Variants in PRKN observed in about 807,000 individuals in gnomAD.
The protein encoded by PRKN is E3 ubiquitin-protein ligase parkin.
A neutral mutation model predicts 59.5 loss-of-function variants in PRKN; 56 were observed. That is an observed-to-expected ratio of 0.94 (90% CI 0.76 to 1.18). The LOEUF is 1.18. Ranked by LOEUF, PRKN falls within the 50% of genes most tolerant of loss-of-function variation. The pLI is 0.00. For missense variants in PRKN, 657 were observed against 596.4 expected (o/e 1.10, Z -1.06); for synonymous variants, 250 against 222.1 (o/e 1.13, Z -1.12).
At chr6:162,362,000 GC>G (rs1356497782) in intron 2 of PRKN, among the ~76,000 whole-genome samples, 1 of 152,178 alleles carries the variant, frequency 6.6e-6, no homozygotes, top group African/African-American at 2.4e-5. Flanking sequence ...GGACTGTGCA[GC>G]TCTCAGATTT....
intron 1 of PRKN, among the ~76,000 whole-genome samples, chr6:162,648,839 G>A (rs1778302367): frequency 6.6e-6 from 1 of 152,174 alleles, no homozygotes; most frequent in Non-Finnish European, 1.5e-5. Context: ...CACTCACCTA[G>A]ATATGGCTGT....
rs10214746 is a variant in PRKN at position 161,395,788 on chromosome 6, C to G, written c.1084-8911G>C. On this transcript the variant is annotated intron_variant, in intron 9 of 11. Coordinates refer to ENST00000366898, the MANE Select transcript of PRKN (RefSeq NM_004562.3). The surrounding 1 kb of genome is among the most constrained non-coding windows in gnomAD (Gnocchi z 5.0). ...ACAGCCAAAGCTGGGTCAGGAGTGG[C>G]CTGTGGTCAGGCTCACTCTGACTTT... 0.013 allele frequency among the ~76,000 whole-genome samples: 2,051 copies of G among 152,326 alleles called. 64 individuals carry two copies. The highest frequency in any genetic ancestry group is 0.047 in the African/African-American group (1,947 of 41,552).
At chr6:161,845,107 T>G (rs1459319288) in intron 6 of PRKN, among the ~76,000 whole-genome samples, 1 of 152,192 alleles carries the variant, frequency 6.6e-6, no homozygotes, top group Non-Finnish European at 1.5e-5. Context: ...CCTACTTCTC[T>G]CTGACTGAAA....
chr6:161,612,147 A>T (rs1782510965), intron 7 of PRKN, among the ~76,000 whole-genome samples: 1 of 152,212 alleles, frequency 6.6e-6, no homozygotes, highest in African/African-American at 2.4e-5. Flanking sequence ...CCTCCATCAC[A>T]TAAAGTGCAA....
At chr6:161,759,171 TTA>T (rs1491273994) in intron 7 of PRKN, among the ~76,000 whole-genome samples, 14 of 35,572 alleles carry the variant, frequency 3.9e-4, no homozygotes, top group Admixed American at 2.2e-3. Context: ...GTGAGACTGT[TTA>T]AAAAAAAAAA....
At chr6:162,298,631 C>A (rs1192189114) in intron 2 of PRKN, among the ~76,000 whole-genome samples, 11 of 147,662 alleles carry the variant, frequency 7.4e-5, no homozygotes, top group Non-Finnish European at 1.6e-4. Flanking sequence ...CCCCCACCCC[C>A]CAACCCCATG....
chr6:162,150,380 A>G (rs138090543), intron 4 of PRKN, among the ~76,000 whole-genome samples: 27 of 152,274 alleles, frequency 1.8e-4, no homozygotes, highest in African/African-American at 6.3e-4. Context: ...CTGTCTCCAG[A>G]GCATGAGGGT....
At chr6:162,329,060 C>T (rs9347620) in intron 2 of PRKN, among the ~76,000 whole-genome samples, 40,403 of 152,084 alleles carry the variant, frequency 0.27, 5,871 homozygotes, top group Middle Eastern at 0.34. Context: ...TGTATGTGTT[C>T]GGGTACTTCT....
intron 6 of PRKN, among the ~76,000 whole-genome samples, chr6:161,881,498 C>T (rs1794934176): frequency 6.6e-6 from 1 of 152,188 alleles, no homozygotes; most frequent in Non-Finnish European, 1.5e-5. Context: ...CGACCAGATT[C>T]CATGAATCCC....
At chr6:162,336,925 A>G (rs910302533) in intron 2 of PRKN, among the ~76,000 whole-genome samples, 3 of 152,192 alleles carry the variant, frequency 2.0e-5, no homozygotes, top group Non-Finnish European at 4.4e-5. Flanking sequence ...GGGAGAACAT[A>G]TCTACTCTCA....
rs1294448877 is a variant in PRKN at position 161,410,701 on chromosome 6, A to G, written c.1084-23824T>C. Among the ~76,000 whole-genome samples, 1 of 152,090 alleles carries G rather than the reference A, an allele frequency of 6.6e-6. No homozygotes were observed. The highest frequency in any genetic ancestry group is 6.5e-5 in the Admixed American group (1 of 15,280). Reference sequence around the variant, plus strand: ...GGAGGATGGGGAGGATGCAGGGAAGAGAATCGGGGTCACTGTGAGGGAGGG... The same window carrying G: ...GGAGGATGGGGAGGATGCAGGGAAGGGAATCGGGGTCACTGTGAGGGAGGG... On this transcript the variant is annotated intron_variant, in intron 9 of 11. Coordinates refer to ENST00000366898, the MANE Select transcript of PRKN (RefSeq NM_004562.3). This position sits in a 1 kb window ranked among gnomAD's most constrained non-coding sequence, Gnocchi z 5.3.
At chr6:162,606,752 T>C (rs1435810311) in intron 1 of PRKN, among the ~76,000 whole-genome samples, 3 of 152,230 alleles carry the variant, frequency 2.0e-5, no homozygotes, top group Admixed American at 6.5e-5. Context: ...AGTCTCACTC[T>C]GTCACCAAGG....
At chr6:161,898,417 A>G (rs142562518) in intron 6 of PRKN, among the ~76,000 whole-genome samples, 2 of 152,282 alleles carry the variant, frequency 1.3e-5, no homozygotes, top group Non-Finnish European at 2.9e-5. Context: ...TGTTCACAAT[A>G]TCCTTTCATC....
At chr6:162,462,715 G>A (rs571217558) in intron 1 of PRKN, among the ~76,000 whole-genome samples, 3 of 152,052 alleles carry the variant, frequency 2.0e-5, no homozygotes, top group South Asian at 4.1e-4. Context: ...AAAATATTAC[G>A]GATCCACCAG....
intron 2 of PRKN, among the ~76,000 whole-genome samples, chr6:162,428,181 T>C (rs1457356464): frequency 6.6e-6 from 1 of 152,226 alleles, no homozygotes; most frequent in Non-Finnish European, 1.5e-5. Context: ...AGATTGCTAA[T>C]GTCAGACTTG....
At chr6:162,489,637 T>C (rs566640904) in intron 1 of PRKN, among the ~76,000 whole-genome samples, 4 of 152,342 alleles carry the variant, frequency 2.6e-5, no homozygotes, top group African/African-American at 9.6e-5. Context: ...AAAGGAGTTA[T>C]AAGTATGTTG....
At chr6:162,033,940 T>C (rs959445163) in intron 5 of PRKN, among the ~76,000 whole-genome samples, 8 of 152,116 alleles carry the variant, frequency 5.3e-5, no homozygotes, top group African/African-American at 7.2e-5. Flanking sequence ...AATTCTGACA[T>C]AGCCCTATGA....
chr6:162,450,678 T>C (rs1005326201), intron 1 of PRKN, among the ~76,000 whole-genome samples: 1 of 152,066 alleles, frequency 6.6e-6, no homozygotes, highest in Non-Finnish European at 1.5e-5. Context: ...AGGGACGTTG[T>C]AAAAAACACC....
chr6:162,629,209 T>TAAAA (rs1783008999), intron 1 of PRKN, among the ~76,000 whole-genome samples: 1 of 152,180 alleles, frequency 6.6e-6, no homozygotes, highest in Non-Finnish European at 1.5e-5. Flanking sequence ...ATTTTAGTTA[T>TAAAA]TTATAGACTA....
Sources: allele counts gnomAD v4.1 joint callset (sites outside exome capture counted in the v4.1 genomes callset), GRCh38; gene constraint gnomAD v4.1.1; non-coding constraint Gnocchi (gnomAD v3.1); transcripts MANE v1.5; gene names NCBI Gene and HGNC (gene_info 2026-07-23, HGNC 2026-07-21).